ARMC3: variants seen among roughly 807,000 people sequenced by gnomAD.
ARMC3 encodes armadillo repeat-containing protein 3.
Under a neutral mutation model 90.3 loss-of-function variants are expected in ARMC3, and 74 were observed. That is an observed-to-expected ratio of 0.82 (90% confidence interval 0.68 to 0.99). ARMC3 has a LOEUF of 0.99. Among genes scored for constraint, ARMC3 ranks in the 50% least tolerant of loss-of-function variants. ARMC3 has a pLI of 0.00. For synonymous variants in ARMC3, 334 were observed against 361.8 expected (o/e 0.92, Z 0.87); for missense variants, 958 against 1,042.8 (o/e 0.92, Z 1.12).
chr10:22,978,879 A>T (rs1156948200), intron 8 of ARMC3, among the ~76,000 whole-genome samples: 1 of 152,222 alleles, frequency 6.6e-6, no homozygotes, highest in Admixed American at 6.5e-5. Context: ...AGACAAGGTC[A>T]TGCATTGTCA....
chr10:23,010,386 CTCTCT>C, intron 16 of ARMC3, among the ~76,000 whole-genome samples: 1 of 113,678 alleles, frequency 8.8e-6, no homozygotes, highest in Non-Finnish European at 1.9e-5. Flanking sequence ...CTTCCTTCCC[CTCTCT>C]TTCCCTTCCC....
chr10:23,020,070 G>C (rs188194317), intron 16 of ARMC3, among the ~76,000 whole-genome samples: 1 of 152,192 alleles, frequency 6.6e-6, no homozygotes, highest in African/African-American at 2.4e-5. Flanking sequence ...TGTTGATTAT[G>C]AATAGAGCTG....
At chr10:22,930,430 C>T (rs1435790497) in intron 1 of ARMC3, among the ~76,000 whole-genome samples, 1 of 152,096 alleles carries the variant, frequency 6.6e-6, no homozygotes, top group African/African-American at 2.4e-5. Context: ...TGAGTAATTT[C>T]AAATACAAAT....
intron 13 of ARMC3, among the ~76,000 whole-genome samples, chr10:23,004,991 C>T (rs376855336): frequency 1.2e-3 from 39 of 32,724 alleles, no homozygotes; most frequent in East Asian, 0.011. Context: ...CCGAGGTGGG[C>T]GGATCACGAG....
intron 11 of ARMC3, among the ~76,000 whole-genome samples, chr10:23,000,697 T>G (rs1039109672): frequency 6.6e-6 from 1 of 152,208 alleles, no homozygotes. Context: ...ATGCTTCAAG[T>G]GAACTTTCTA....
At chr10:22,931,855 T>C (rs1278677979) in intron 1 of ARMC3, 141 bp from the exon 2 acceptor site, 1 of 649,400 alleles carries the variant, frequency 1.5e-6, no homozygotes, top group Non-Finnish European at 2.6e-6. Context: ...TTTGTACATA[T>C]GTGATAATTT....
intron 2 of ARMC3, among the ~76,000 whole-genome samples, chr10:22,934,247 A>G (rs1373780292): frequency 6.6e-6 from 1 of 152,218 alleles, no homozygotes; most frequent in Non-Finnish European, 1.5e-5. Context: ...CAGTAAGAAA[A>G]GTGTTGGTAT....
At chr10:22,971,228 T>G (rs1050050161) in intron 8 of ARMC3, among the ~76,000 whole-genome samples, 1 of 152,178 alleles carries the variant, frequency 6.6e-6, no homozygotes, top group African/African-American at 2.4e-5. Flanking sequence ...CCTCCCTTCT[T>G]AGGGCCAAAG....
In ARMC3 at chr10:22,932,141, C is replaced by T. The variant is rs568409032; in HGVS notation, c.48+97C>T. 78 of 964,110 alleles carry T rather than the reference C, an allele frequency of 8.1e-5. No individual in the cohort carries two copies. In the African/African-American group the frequency reaches 1.0e-3, roughly 13 times the overall value. The allele number at this position is 964,110 out of a possible 1,614,324, so 59.7% of individuals were successfully genotyped here. On this transcript the variant is annotated intron_variant, in intron 2 of 18. Transcript: ENST00000298032. ...GCATGTACCAGTATATACATGAATA[C>T]GCGGTGGCAGAAGTCCAAAGTCTGA...
At chr10:22,993,582 C>T (rs185850166) in intron 10 of ARMC3, among the ~76,000 whole-genome samples, 1 of 152,078 alleles carries the variant, frequency 6.6e-6, no homozygotes, top group African/African-American at 2.4e-5. Flanking sequence ...TGAGTTGATT[C>T]GAGTCAATTA....
chr10:23,024,393 C>CATAG (rs546077538), intron 16 of ARMC3, among the ~76,000 whole-genome samples: 13,782 of 133,420 alleles, frequency 0.1, 728 homozygotes, highest in African/African-American at 0.14. Flanking sequence ...AGGAATGCCA[C>CATAG]ATAGATAGAT....
At chr10:23,018,288 T>C (rs9943348) in intron 16 of ARMC3, among the ~76,000 whole-genome samples, 6,966 of 152,198 alleles carry the variant, frequency 0.046, 522 homozygotes, top group African/African-American at 0.16. Context: ...GCTGGGGTTG[T>C]AGAACAGCCT....
At chr10:23,028,581 T>C (rs976938474) in intron 16 of ARMC3, among the ~76,000 whole-genome samples, 2 of 152,218 alleles carry the variant, frequency 1.3e-5, no homozygotes, top group African/African-American at 4.8e-5. Flanking sequence ...TCTAAGAATA[T>C]TCCTTTTGGG....
chr10:22,994,471 C>G (rs1342337505), intron 10 of ARMC3, among the ~76,000 whole-genome samples: 2 of 152,070 alleles, frequency 1.3e-5, no homozygotes, highest in African/African-American at 4.8e-5. Flanking sequence ...GCCGAGGTGG[C>G]AGGATTGCTT....
chr10:23,009,605 T>G (rs1297459800), intron 16 of ARMC3, among the ~76,000 whole-genome samples: 1 of 152,220 alleles, frequency 6.6e-6, no homozygotes, highest in Non-Finnish European at 1.5e-5. Context: ...TTCAAGCAAT[T>G]CTCCTGCTTC....
chr10:23,001,826 A>ACCT, intron 11 of ARMC3, 93 bp from the exon 12 acceptor site: 1 of 1,380,412 alleles, frequency 7.2e-7, no homozygotes, highest in Non-Finnish European at 9.8e-7. Flanking sequence ...CATAGTTAAA[A>ACCT]CCTTTTAGCA....
chr10:22,964,923 A>G (rs1458381320), intron 7 of ARMC3, among the ~76,000 whole-genome samples: 1 of 152,124 alleles, frequency 6.6e-6, no homozygotes, highest in Admixed American at 6.5e-5. Context: ...AGAACCTTTT[A>G]ACAATGTATC....
intron 2 of ARMC3, among the ~76,000 whole-genome samples, chr10:22,942,072 G>A (rs1834346734): frequency 6.6e-6 from 1 of 152,164 alleles, no homozygotes; most frequent in South Asian, 2.1e-4. Context: ...GGAGGTTTAT[G>A]CTTTAGCAGA....
At chr10:22,933,699 C>A (rs1308779692) in intron 2 of ARMC3, among the ~76,000 whole-genome samples, 2 of 152,186 alleles carry the variant, frequency 1.3e-5, no homozygotes, top group East Asian at 3.9e-4. Flanking sequence ...TCCTGGCTAA[C>A]ATGGTGAAAC....
Sources: gnomAD v4.1 joint callset for allele counts (sites outside exome capture counted in the v4.1 genomes callset) on GRCh38, gnomAD v4.1.1 for gene constraint, MANE v1.5 for transcripts, NCBI Gene and HGNC (gene_info 2026-07-23, HGNC 2026-07-21) for gene names.